Variants in ABCG1 observed in about 807,000 individuals in gnomAD.
ABCG1 encodes ATP binding cassette subfamily G member 1, also known as ATP-binding cassette sub-family G member 1.
A neutral mutation model predicts 69.2 loss-of-function variants in ABCG1; 29 were observed. The observed-to-expected ratio is 0.42, with a 90% CI of 0.31 to 0.57. The LOEUF (loss-of-function observed/expected upper bound fraction) is 0.57, where lower values mean the gene tolerates loss of function less well. Ranked by LOEUF, ABCG1 falls within the 20% of genes least tolerant of loss-of-function variation. The pLI, the probability that ABCG1 is intolerant of heterozygous loss-of-function variation, is 0.15. For synonymous variants in ABCG1, 370 were observed against 374.8 expected (o/e 0.99, Z 0.15); for missense variants, 718 against 898.1 (o/e 0.80, Z 2.56).
intron 1 of ABCG1, among the ~76,000 whole-genome samples, chr21:42,222,495 C>G (rs2067744836): frequency 6.6e-6 from 1 of 152,190 alleles, no homozygotes; most frequent in Admixed American, 6.5e-5. Context: ...CCACAACTCA[C>G]CCGTGGAAGG....
intron 1 of ABCG1, among the ~76,000 whole-genome samples, chr21:42,223,978 C>T (rs2067772886): frequency 6.6e-6 from 1 of 152,134 alleles, no homozygotes; most frequent in Non-Finnish European, 1.5e-5. Flanking sequence ...GTGGAGAGGA[C>T]CCACAATGGG....
chr21:42,281,251 C>T (rs2123768307), intron 5 of ABCG1, among the ~76,000 whole-genome samples: 1 of 152,316 alleles, frequency 6.6e-6, no homozygotes, highest in South Asian at 2.1e-4. Context: ...CTATGGCTCC[C>T]AGGGGCCGGC....
intron 2 of ABCG1, among the ~76,000 whole-genome samples, chr21:42,202,945 T>A (rs1010006986): frequency 3.3e-5 from 5 of 152,142 alleles, no homozygotes; most frequent in African/African-American, 4.8e-5. Context: ...TGGTGTAGAC[T>A]GTTTGCTATT....
At chr21:42,267,878 C>T (rs1279145720) in intron 2 of ABCG1, among the ~76,000 whole-genome samples, 1 of 115,694 alleles carries the variant, frequency 8.6e-6, no homozygotes, top group African/African-American at 2.9e-5. Context: ...GGTCTGGGTT[C>T]TGTCTGGGTG....
chr21:42,294,212 C>T (rs1177623455), intron 13 of ABCG1, among the ~76,000 whole-genome samples: 2 of 152,196 alleles, frequency 1.3e-5, no homozygotes, highest in South Asian at 2.1e-4. Flanking sequence ...TTAGCCCCCC[C>T]GGGGACAGCT....
At chr21:42,221,824 C>G (rs1477127438) in intron 1 of ABCG1, among the ~76,000 whole-genome samples, 1 of 152,186 alleles carries the variant, frequency 6.6e-6, no homozygotes, top group East Asian at 1.9e-4. Flanking sequence ...GTTTCTGTCT[C>G]TGTGTTCCTG....
chr21:42,200,022 G>A (rs977819308), intron 1 of ABCG1, among the ~76,000 whole-genome samples: 8 of 152,204 alleles, frequency 5.3e-5, no homozygotes, highest in African/African-American at 1.9e-4. Context: ...ACCTATACCA[G>A]TCAGACACCA....
chr21:42,289,297 A>G (rs1322329409), intron 10 of ABCG1, among the ~76,000 whole-genome samples: 2 of 152,140 alleles, frequency 1.3e-5, no homozygotes, highest in Non-Finnish European at 2.9e-5. Context: ...CTATCTGGAC[A>G]TGCCTTTCTT....
rs17114604 is a variant in ABCG1, at chr21:42,271,029, A to G, written c.287-41A>G. 2,818 of 1,334,162 alleles carry G rather than the reference A, an allele frequency of 2.1e-3. 57 individuals carry two copies. The African/African-American group carries it at 0.036, about 17-fold the overall frequency. The allele number at this position is 1,334,162 out of a possible 1,614,324, so 82.6% of individuals were successfully genotyped here. ...CATTTGCATATTTACTGCATTAGAG[A>G]TAAAATGAAATGAATATGAATATGA... On this transcript the variant is annotated intron_variant, in intron 2 of 14. Transcript: ENST00000398449.
chr21:42,250,871 T>C (rs1601392997), intron 2 of ABCG1, among the ~76,000 whole-genome samples: 1 of 152,010 alleles, frequency 6.6e-6, no homozygotes, highest in Non-Finnish European at 1.5e-5. Context: ...TATAGGAAGG[T>C]GGCCCCCAGA....
intron 14 of ABCG1, chr21:42,295,372 A>G (rs1290321773): frequency 7.7e-6 from 1 of 130,412 alleles, no homozygotes; most frequent in East Asian, 2.2e-4. Context: ...AAAAAAAAAA[A>G]AAAAAGGAAA....
chr21:42,219,167 G>A lies in ABCG1; in HGVS notation c.-96G>A. 32 of 1,129,416 alleles carry A rather than the reference G, an allele frequency of 2.8e-5. No homozygotes were observed. The highest frequency in any genetic ancestry group is 3.8e-5 in the South Asian group (1 of 26,144). 70.0% of individuals were successfully genotyped at this position (1,129,416 alleles called of 1,614,324 possible). Reference sequence around the variant, plus strand: ...AGCCCAAGCGCAGCCCGCACCCCGCGCAGCGGCTGAGCCGGGAGCCAGCGC... The same window carrying A: ...AGCCCAAGCGCAGCCCGCACCCCGCACAGCGGCTGAGCCGGGAGCCAGCGC... On this transcript the variant is annotated 5_prime_UTR_variant, in exon 1 of 15. Coordinates refer to ENST00000398449, the MANE Select transcript of ABCG1 (RefSeq NM_016818.3). This position sits in a 1 kb window ranked among gnomAD's most constrained non-coding sequence, Gnocchi z 5.3.
At chr21:42,254,169 A>G (rs1315677071) in intron 2 of ABCG1, among the ~76,000 whole-genome samples, 1 of 152,162 alleles carries the variant, frequency 6.6e-6, no homozygotes, top group Non-Finnish European at 1.5e-5. Flanking sequence ...ACACAAGAAA[A>G]CAATCCTTGG....
chr21:42,248,166 C>A (rs1161302351), intron 2 of ABCG1, among the ~76,000 whole-genome samples: 3 of 152,196 alleles, frequency 2.0e-5, no homozygotes, highest in African/African-American at 4.8e-5. Context: ...ATTTGTTAAA[C>A]CTGTTCAAGC....
chr21:42,213,482 CAG>C (rs2067609253), upstream of ABCG1, among the ~76,000 whole-genome samples: 1 of 152,272 alleles, frequency 6.6e-6, no homozygotes, highest in Non-Finnish European at 1.5e-5. Flanking sequence ...AGAGCCACTG[CAG>C]AGAGCCCCCA....
In ABCG1 at chr21:42,260,221, C is replaced by T. The variant is rs1269836577; in HGVS notation, c.287-10849C>T. The T allele has an allele frequency of 3.9e-6, 6 of 1,540,514 alleles. No homozygotes were observed. In the Admixed American group the frequency reaches 1.0e-4, roughly 26 times the overall value. On this transcript the variant is annotated intron_variant, in intron 2 of 14. Transcript: ENST00000398449. ...TTCAGAGTAGATGCTCACTTCAACCCTGCAGGTGGCATTGGGCGGCAAGCA... is the reference window on the plus strand; with the variant it reads ...TTCAGAGTAGATGCTCACTTCAACCTTGCAGGTGGCATTGGGCGGCAAGCA...
intron 2 of ABCG1, chr21:42,259,480 TG>T: frequency 3.2e-6 from 5 of 1,548,486 alleles, no homozygotes; most frequent in Non-Finnish European, 4.4e-6. Context: ...ATTGTCATCA[TG>T]CCCCCATCCA....
upstream of ABCG1, among the ~76,000 whole-genome samples, chr21:42,213,735 T>C (rs2067611777): frequency 6.6e-6 from 1 of 152,376 alleles, no homozygotes; most frequent in South Asian, 2.1e-4. Context: ...GAAGATATAA[T>C]GCTTTTTGCC....
intron 6 of ABCG1, among the ~76,000 whole-genome samples, chr21:42,283,589 G>T (rs1487402206): frequency 1.3e-5 from 2 of 152,186 alleles, no homozygotes; most frequent in East Asian, 1.9e-4. Flanking sequence ...GGGGAGTGGG[G>T]GTGGTGACTG....
Sources: gnomAD v4.1 joint callset for allele counts (sites outside exome capture counted in the v4.1 genomes callset) on GRCh38, gnomAD v4.1.1 for gene constraint, Gnocchi (gnomAD v3.1) non-coding constraint, MANE v1.5 for transcripts, NCBI Gene and HGNC (gene_info 2026-07-23, HGNC 2026-07-21) for gene names.